The following ALDH3B2 variants were observed in gnomAD, a reference collection of about 807,000 sequenced individuals.
ALDH3B2 encodes aldehyde dehydrogenase 3 family member B2, also known as aldehyde dehydrogenase family 3 member B2.
ALDH3B2 carries 45 observed loss-of-function variants against 36.7 expected under a neutral mutation model. That is an observed-to-expected ratio of 1.23 (90% CI 0.97 to 1.57). ALDH3B2 has a LOEUF of 1.57. Among genes scored for constraint, ALDH3B2 ranks in the 40% most tolerant of loss-of-function variants. ALDH3B2 has a pLI of 0.00. For synonymous variants in ALDH3B2, 217 were observed against 226.5 expected (o/e 0.96, Z 0.38); for missense variants, 464 against 513.3 (o/e 0.90, Z 0.93).
intron 1 of ALDH3B2, among the ~76,000 whole-genome samples, chr11:67,668,269 G>A (rs919768342): frequency 9.9e-5 from 15 of 152,188 alleles, no homozygotes; most frequent in South Asian, 8.3e-4. Flanking sequence ...AGAGAGCTCC[G>A]GGGCTGGTAT....
chr11:67,678,270 G>A (rs1856306016), upstream of ALDH3B2, among the ~76,000 whole-genome samples: 1 of 152,078 alleles, frequency 6.6e-6, no homozygotes. Flanking sequence ...TGTAAAACTA[G>A]GCACACAGAC....
intron 1 of ALDH3B2, among the ~76,000 whole-genome samples, chr11:67,670,601 C>A (rs151284528): frequency 6.6e-6 from 1 of 152,158 alleles, no homozygotes; most frequent in Non-Finnish European, 1.5e-5. Context: ...ATGGACAGAG[C>A]CAGCTGAACC....
At chr11:67,677,443 G>A (rs1856292018), upstream of ALDH3B2, among the ~76,000 whole-genome samples, 1 of 152,092 alleles carries the variant, frequency 6.6e-6, no homozygotes, top group South Asian at 2.1e-4. Context: ...CAGTATACAA[G>A]GGACATATCT....
intron 8 of ALDH3B2, among the ~76,000 whole-genome samples, chr11:67,664,033 A>G (rs538194777): frequency 2.0e-5 from 3 of 152,112 alleles, no homozygotes; most frequent in Admixed American, 2.0e-4. Flanking sequence ...TGAGGTTAGG[A>G]TGCTGCAGTG....
upstream of ALDH3B2, among the ~76,000 whole-genome samples, chr11:67,678,472 G>C (rs1168919581): frequency 6.6e-6 from 1 of 152,024 alleles, no homozygotes; most frequent in African/African-American, 2.4e-5. Flanking sequence ...AATCAACTCA[G>C]GATGGATTAA....
exon 7 of ALDH3B2, chr11:67,665,482 A>T: frequency 6.2e-7 from 1 of 1,614,040 alleles, no homozygotes; most frequent in Non-Finnish European, 8.5e-7. Flanking sequence ...GGGGCTGCAC[A>T]GGACGTAGTC....
At chr11:67,667,759 C>T in intron 1 of ALDH3B2, 124 bp from the exon 2 acceptor site, 1 of 213,952 alleles carries the variant, frequency 4.7e-6, no homozygotes, top group South Asian at 1.8e-4. Context: ...ACAGACACCC[C>T]ACCTCATACA....
chr11:67,664,676 T>C (rs1855848171), intron 7 of ALDH3B2, 114 bp from the exon 8 acceptor site: 1 of 1,426,060 alleles, frequency 7.0e-7, no homozygotes, highest in African/African-American at 1.4e-5. Flanking sequence ...GATCCCAAGG[T>C]CTGACTTCCC....
chr11:67,667,575 C>T lies in ALDH3B2; in HGVS notation c.-184G>A, dbSNP rs3741179. 3.6e-4 allele frequency: 136 copies of T among 379,126 alleles called. 1 individual carries two copies. In the East Asian group the frequency reaches 6.1e-3, roughly 17 times the overall value. 23.5% of individuals were successfully genotyped at this position (379,126 alleles called of 1,614,324 possible). A position where few individuals can be genotyped will look rare whatever the true frequency, so the allele number is the denominator to read the frequency against. ...GCGCAGCCCGGAACTCGGCCGGCCG[C>T]GTGCGCCCTCAGTTGAAGGCCTCAC... On this transcript the variant is annotated 5_prime_UTR_variant, in exon 2 of 10. Transcript: ENST00000349015.
rs147016371 is a variant in ALDH3B2, at chr11:67,664,416, C to T, written c.853G>A (p.Ala285Thr). ...CCCACCTGGCTGCTGTTGGAGAAGG[C>T]GTACAGGGCCAGGGGCTTCTCCTGC... Residue 285 changes from alanine (A) to threonine (T), a missense_variant, in exon 8 of 10, where the codon GCC (alanine) becomes ACC (threonine). Transcript: ENST00000349015. The T allele has an allele frequency of 1.7e-4, 277 of 1,614,028 alleles. No individual in the cohort carries two copies. Among genetic ancestry groups the T allele is most frequent in the Middle Eastern group, 4.9e-4 (3 of 6,084 alleles).
Position 67,666,706 on chromosome 11 carries a change from G to A in ALDH3B2, c.31-12C>T, listed in dbSNP as rs767796810. ...TCCAGCTTCATGAACTGAGGCACAG[G>A]GTAGACAGTGAGGCCCTGCCAAGGG... On this transcript the variant is annotated splice_polypyrimidine_tract_variant and intron_variant, in intron 3 of 9. Coordinates refer to ENST00000349015, the Ensembl canonical transcript of ALDH3B2. 5.0e-6 allele frequency: 8 copies of A among 1,614,004 alleles called. No individual in the cohort carries two copies. The highest frequency in any genetic ancestry group is 1.7e-5 in the Admixed American group (1 of 60,010).
At chr11:67,665,978 T>C in intron 6 of ALDH3B2, 144 bp downstream of exon 6, 1 of 1,163,550 alleles carries the variant, frequency 8.6e-7, no homozygotes, top group Non-Finnish European at 1.2e-6. Context: ...GGGCGTGGCC[T>C]ATGCAGGCAG....
chr11:67,672,882 C>T (rs1256319580), intron 1 of ALDH3B2, among the ~76,000 whole-genome samples: 2 of 150,632 alleles, frequency 1.3e-5, no homozygotes, highest in African/African-American at 4.9e-5. Flanking sequence ...TGAGTCACCA[C>T]GCCTGGCCAC....
At chr11:67,679,883 T>C (rs1856339210) in intron 1 of ALDH3B2, among the ~76,000 whole-genome samples, 1 of 152,182 alleles carries the variant, frequency 6.6e-6, no homozygotes, top group African/African-American at 2.4e-5. Context: ...AATTTCTCTC[T>C]GGTACAAAAG....
chr11:67,663,577 AG>A (rs1855810530), intron 9 of ALDH3B2, 84 bp downstream of exon 9: 3 of 1,419,818 alleles, frequency 2.1e-6, no homozygotes, highest in Non-Finnish European at 1.9e-6. Flanking sequence ...GTGTGGATCA[AG>A]GTTGAACAGT....
chr11:67,680,879 G>T (rs1856356331), intron 1 of ALDH3B2, among the ~76,000 whole-genome samples: 1 of 152,124 alleles, frequency 6.6e-6, no homozygotes, highest in African/African-American at 2.4e-5. Flanking sequence ...AACTATACAA[G>T]CACCCTCCCT....
exon 2 of ALDH3B2, chr11:67,667,558 C>G (rs527737715): frequency 5.2e-6 from 2 of 383,050 alleles, no homozygotes; most frequent in East Asian, 9.2e-5. Flanking sequence ...CTGCGCAGCC[C>G]GGAACTCGGC....
chr11:67,670,402 C>G (rs1023935027), intron 1 of ALDH3B2, among the ~76,000 whole-genome samples: 1 of 152,044 alleles, frequency 6.6e-6, no homozygotes. Context: ...TAATCTCAGC[C>G]CTCAGCTGCA....
exon 4 of ALDH3B2, chr11:67,666,685 G>A (rs759422757): frequency 1.2e-6 from 2 of 1,614,170 alleles, no homozygotes; most frequent in East Asian, 2.2e-5. Flanking sequence ...ACCGAGTCCA[G>A]CTTCATGAAC....
Sources: gnomAD v4.1 joint callset for allele counts (sites outside exome capture counted in the v4.1 genomes callset) on GRCh38, gnomAD v4.1.1 for gene constraint, MANE v1.5 for transcripts, NCBI Gene and HGNC (gene_info 2026-07-23, HGNC 2026-07-21) for gene names.